ALK: variants seen among roughly 807,000 people sequenced by gnomAD.
The protein encoded by ALK is ALK receptor tyrosine kinase, also known as ALK tyrosine kinase receptor.
ALK carries 74 observed loss-of-function variants against 163.1 expected under a neutral mutation model. The observed-to-expected ratio is 0.45, with a 90% CI of 0.38 to 0.55. ALK has a LOEUF of 0.55. ALK is among the 20% of genes least tolerant of loss of function. ALK has a pLI of 0.00. For missense variants in ALK, 2,063 were observed against 2,105.3 expected, an observed-to-expected ratio of 0.98 and a Z score of 0.39; for synonymous variants, 960 against 843.2, an observed-to-expected ratio of 1.14 and a Z score of -2.40.
chr2:29,239,142 T>C (rs1007733847), intron 13 of ALK, among the ~76,000 whole-genome samples: 2 of 152,234 alleles, frequency 1.3e-5, no homozygotes, highest in African/African-American at 4.8e-5. Context: ...CGTTTCACCT[T>C]AACCCCGAAG....
At chr2:29,416,094 C>CA (rs1267625657) in intron 4 of ALK, among the ~76,000 whole-genome samples, 17 of 152,218 alleles carry the variant, frequency 1.1e-4, no homozygotes, top group African/African-American at 3.9e-4. Context: ...CCTCTATAAT[C>CA]ACGTGAGCCA....
chr2:29,219,902 C>T (rs764641260), intron 23 of ALK, among the ~76,000 whole-genome samples: 9 of 152,166 alleles, frequency 5.9e-5, no homozygotes, highest in South Asian at 2.1e-4. Flanking sequence ...CCTAAATATA[C>T]GGTTGGAATG....
At chr2:29,593,136 A>G (rs1314723082) in intron 3 of ALK, among the ~76,000 whole-genome samples, 2 of 152,348 alleles carry the variant, frequency 1.3e-5, no homozygotes, top group Admixed American at 6.5e-5. Flanking sequence ...AAATGAGTCC[A>G]CAGGTTACGT....
intron 3 of ALK, among the ~76,000 whole-genome samples, chr2:29,649,765 T>C (rs1403091717): frequency 5.9e-5 from 9 of 152,108 alleles, no homozygotes; most frequent in Non-Finnish European, 1.2e-4. Flanking sequence ...GTGGACTCTG[T>C]CCTTATATTC....
In ALK at chr2:29,318,368, G is replaced by A. The variant is rs756811472; in HGVS notation, c.1583C>T (p.Ala528Val). The A allele has an allele frequency of 6.2e-7, 1 of 1,613,990 alleles. No individual in the cohort carries two copies. The highest frequency in any genetic ancestry group is 1.1e-5 in the South Asian group (1 of 91,078). The change falls in exon 8 of 29, where the codon GCT (alanine) becomes GTT (valine). Residue 528 changes from alanine (A) to valine (V), a missense_variant. Physicochemically the swap from Ala to Val is moderately conservative, Grantham distance 64. Around this residue, in one of 5 missense-constraint regions of ALK, gnomAD observed 987 missense variants for 939.5 expected, o/e 1.05. Coordinates refer to ENST00000389048, the MANE Select transcript of ALK (RefSeq NM_004304.5). ...ACTGGTCACTGTAGCACTTTCAGAA[G>A]CGGGGACATCAGTGGTACTGAGCAA... ...ALLLSTTDVP[A>V]SESATVTSAT... is the part of the protein sequence containing the mutation.
intron 3 of ALK, among the ~76,000 whole-genome samples, chr2:29,639,727 A>T (rs1317250711): frequency 6.6e-6 from 1 of 152,218 alleles, no homozygotes; most frequent in Non-Finnish European, 1.5e-5. Flanking sequence ...AGTGAACATA[A>T]GGCAAACACT....
At chr2:29,504,402 G>T (rs1672261193) in intron 4 of ALK, among the ~76,000 whole-genome samples, 1 of 152,170 alleles carries the variant, frequency 6.6e-6, no homozygotes, top group Admixed American at 6.5e-5. Context: ...CTACATTTTT[G>T]ATGTTTATTA....
At chr2:29,388,461 T>C (rs192424600) in intron 4 of ALK, among the ~76,000 whole-genome samples, 8 of 152,320 alleles carry the variant, frequency 5.3e-5, no homozygotes, top group Admixed American at 4.6e-4. Context: ...TGCTGCAGTG[T>C]AGCAAGGCAA....
chr2:29,370,724 A>C (rs897252812), intron 5 of ALK, among the ~76,000 whole-genome samples: 2 of 152,148 alleles, frequency 1.3e-5, no homozygotes, highest in Admixed American at 6.5e-5. Flanking sequence ...TAGAGCAGAA[A>C]GGCATCCTAG....
chr2:29,540,592 T>TAA (rs76226915), intron 3 of ALK, among the ~76,000 whole-genome samples: 7 of 143,020 alleles, frequency 4.9e-5, no homozygotes, highest in African/African-American at 1.8e-4. Context: ...TTTTTTTTTT[T>TAA]AAAAAAAAAA....
intron 11 of ALK, among the ~76,000 whole-genome samples, chr2:29,265,900 G>A (rs1275260602): frequency 6.6e-6 from 1 of 152,128 alleles, no homozygotes; most frequent in Non-Finnish European, 1.5e-5. Context: ...AGGCAGAATT[G>A]CTTGAACCCA....
intron 4 of ALK, among the ~76,000 whole-genome samples, chr2:29,501,927 T>G (rs570733823): frequency 1.3e-5 from 2 of 152,244 alleles, no homozygotes; most frequent in Non-Finnish European, 2.9e-5. Context: ...AGTGGAATTG[T>G]ATAGTATTTG....
intron 3 of ALK, among the ~76,000 whole-genome samples, chr2:29,642,157 A>G (rs1676722083): frequency 6.6e-6 from 1 of 152,150 alleles, no homozygotes; most frequent in Non-Finnish European, 1.5e-5. Flanking sequence ...AGAACTGCTG[A>G]AGTAGAATTT....
At chr2:29,535,568 A>T (rs72794500) in intron 3 of ALK, among the ~76,000 whole-genome samples, 1 of 152,184 alleles carries the variant, frequency 6.6e-6, no homozygotes, top group African/African-American at 2.4e-5. Flanking sequence ...TGAATCAAGT[A>T]GGCAGTACTG....
intron 4 of ALK, among the ~76,000 whole-genome samples, chr2:29,516,563 G>A (rs1672671924): frequency 6.6e-6 from 1 of 152,214 alleles, no homozygotes; most frequent in African/African-American, 2.4e-5. Context: ...CCTGCTAAGG[G>A]GGAGGAATAG....
At chr2:29,674,107 A>G (rs1187392560) in intron 3 of ALK, among the ~76,000 whole-genome samples, 1 of 149,258 alleles carries the variant, frequency 6.7e-6, no homozygotes, top group African/African-American at 2.5e-5. Context: ...ATATACAATC[A>G]TGTCGTCTGC....
intron 5 of ALK, among the ~76,000 whole-genome samples, chr2:29,338,326 G>A (rs1667686770): frequency 6.6e-6 from 1 of 152,214 alleles, no homozygotes; most frequent in Non-Finnish European, 1.5e-5. Context: ...CACCACCAGA[G>A]TCAGCTTTCT....
intron 1 of ALK, among the ~76,000 whole-genome samples, chr2:29,852,078 A>G (rs1344141078): frequency 6.6e-6 from 1 of 152,118 alleles, no homozygotes; most frequent in Non-Finnish European, 1.5e-5. Context: ...AAACTCATCG[A>G]TTTTTCTCTT....
intron 1 of ALK, among the ~76,000 whole-genome samples, chr2:29,771,888 G>T (rs949591261): frequency 6.6e-6 from 1 of 152,164 alleles, no homozygotes; most frequent in Non-Finnish European, 1.5e-5. Flanking sequence ...GTAAAATAAT[G>T]GATTTGTCAG....
Sources: gnomAD v4.1 joint callset for allele counts (sites outside exome capture counted in the v4.1 genomes callset) on GRCh38, gnomAD v4.1.1 for gene constraint, gnomAD v4.1.1 regional missense constraint, MANE v1.5 for transcripts, NCBI Gene and HGNC (gene_info 2026-07-23, HGNC 2026-07-21) for gene names.